ACVR1: variants seen among roughly 807,000 people sequenced by gnomAD.
ACVR1 encodes the protein activin A receptor type 1.
ACVR1 carries 38 observed loss-of-function variants against 57.1 expected under a neutral mutation model. The ratio of observed to expected loss-of-function variants is 0.67; its 90% CI spans 0.51 to 0.87. ACVR1 has a LOEUF of 0.87. Among genes scored for constraint, ACVR1 ranks in the 40% least tolerant of loss-of-function variants. The pLI is 0.00. For synonymous variants in ACVR1, 212 were observed against 228.1 expected, an observed-to-expected ratio of 0.93 and a Z score of 0.63; for missense variants, 463 against 638.2, an observed-to-expected ratio of 0.73 and a Z score of 2.96.
Position 157,774,079 on chromosome 2 carries a change from A to G in ACVR1, c.643+9T>C. On this transcript the variant is annotated intron_variant, in intron 6 of 10. Transcript: ENST00000434821. The stretch of plus-strand genomic sequence containing the variant: ...TATTACCCACAAAGAAAGGAAAAAA[A>G]AGAATTACCGACACACTCCAACAGT... 1 of 1,612,924 alleles carries G rather than the reference A, an allele frequency of 6.2e-7. No individual in the cohort carries two copies. The highest frequency in any genetic ancestry group is 8.5e-7 in the Non-Finnish European group (1 of 1,178,892).
chr2:157,810,938 C>A (rs1303288289), intron 2 of ACVR1, among the ~76,000 whole-genome samples: 1 of 152,172 alleles, frequency 6.6e-6, no homozygotes, highest in East Asian at 1.9e-4. Flanking sequence ...TTCAGGTTCA[C>A]AAGGGAGCTT....
intron 1 of ACVR1, among the ~76,000 whole-genome samples, chr2:157,834,144 T>A (rs543400538): frequency 1.1e-4 from 16 of 152,314 alleles, no homozygotes; most frequent in Admixed American, 8.5e-4. Flanking sequence ...CAGGCTGGAG[T>A]GCAGTGGCGT....
chr2:157,828,891 T>G (rs1009052554), intron 1 of ACVR1, among the ~76,000 whole-genome samples: 13 of 151,960 alleles, frequency 8.6e-5, no homozygotes, highest in African/African-American at 3.1e-4. Flanking sequence ...CTCAGCCTCC[T>G]GAGTAGCTGG....
chr2:157,743,396 A>G (rs1407383880), intron 9 of ACVR1, among the ~76,000 whole-genome samples: 1 of 152,078 alleles, frequency 6.6e-6, no homozygotes, highest in East Asian at 1.9e-4. Context: ...TTGACTCTTC[A>G]ACAAGAATGT....
At chr2:157,835,692 C>T (rs1688758588) in intron 1 of ACVR1, among the ~76,000 whole-genome samples, 1 of 152,148 alleles carries the variant, frequency 6.6e-6, no homozygotes, top group Non-Finnish European at 1.5e-5. Context: ...CTTAGCAATA[C>T]TCACAATGCA....
intron 1 of ACVR1, among the ~76,000 whole-genome samples, chr2:157,838,019 T>TA (rs536373981): frequency 5.8e-4 from 89 of 152,290 alleles, no homozygotes; most frequent in African/African-American, 2.0e-3. Context: ...ATGGAGTTTT[T>TA]ATCTCTCCAT....
In ACVR1 at chr2:157,807,854, T is replaced by TGGC. The variant is rs1553507147; in HGVS notation, c.-7-8355_-7-8354insGCC. Among the ~76,000 whole-genome samples the TGGC allele has an allele frequency of 9.6e-5, 3 of 31,094 alleles. 1 individual carries two copies. Among genetic ancestry groups the TGGC allele is most frequent in the Non-Finnish European group, 2.1e-4 (3 of 14,050 alleles). The allele number at this position is 31,094 out of a possible 152,430, so 20.4% of individuals were successfully genotyped here. A position where few individuals can be genotyped will look rare whatever the true frequency, so the allele number is the denominator to read the frequency against. ...CTAATGTGATTAATCTATAATAATT[T>TGGC]GGGGGGGGGGGTGGGTATAAGATGA... On this transcript the variant is annotated intron_variant, in intron 2 of 10. Transcript: ENST00000434821.
intron 1 of ACVR1, among the ~76,000 whole-genome samples, chr2:157,861,756 C>T (rs905841699): frequency 1.3e-5 from 2 of 152,166 alleles, no homozygotes; most frequent in African/African-American, 4.8e-5. Flanking sequence ...ACGGGCAATG[C>T]ATCATACTTA....
intron 1 of ACVR1, among the ~76,000 whole-genome samples, chr2:157,835,708 G>C (rs1400112688): frequency 6.6e-6 from 1 of 152,194 alleles, no homozygotes; most frequent in Non-Finnish European, 1.5e-5. Flanking sequence ...ATGCACTGCA[G>C]TGTAGCTCTG....
chr2:157,825,806 G>A (rs1290837040), intron 1 of ACVR1, among the ~76,000 whole-genome samples: 2 of 152,190 alleles, frequency 1.3e-5, no homozygotes, highest in African/African-American at 2.4e-5. Context: ...AAGAATCAGA[G>A]CATCTTGAGT....
chr2:157,859,288 C>T (rs769610347), intron 1 of ACVR1, among the ~76,000 whole-genome samples: 1 of 152,166 alleles, frequency 6.6e-6, no homozygotes, highest in Non-Finnish European at 1.5e-5. Context: ...CTCCCACCAG[C>T]GCCATGACAG....
intron 8 of ACVR1, among the ~76,000 whole-genome samples, chr2:157,762,649 T>A (rs943252203): frequency 1.3e-5 from 2 of 152,210 alleles, no homozygotes; most frequent in African/African-American, 4.8e-5. Flanking sequence ...TAATTCCCCA[T>A]CCCTTGAGTG....
chr2:157,802,456 A>C (rs565638463), intron 2 of ACVR1, among the ~76,000 whole-genome samples: 3 of 152,074 alleles, frequency 2.0e-5, no homozygotes, highest in South Asian at 2.1e-4. Flanking sequence ...TAGGCACTCT[A>C]CTCACCTATC....
At chr2:157,843,011 A>G (rs1415019901) in intron 1 of ACVR1, among the ~76,000 whole-genome samples, 2 of 152,214 alleles carry the variant, frequency 1.3e-5, no homozygotes, top group East Asian at 1.9e-4. Context: ...TATTCTTAAG[A>G]ATACAAATTT....
At chr2:157,810,301 C>A (rs1009625588) in intron 2 of ACVR1, among the ~76,000 whole-genome samples, 2 of 152,142 alleles carry the variant, frequency 1.3e-5, no homozygotes, top group Non-Finnish European at 2.9e-5. Flanking sequence ...ATATACAAGA[C>A]TGCCATTTAA....
At chr2:157,841,472 G>C (rs917672049) in intron 1 of ACVR1, among the ~76,000 whole-genome samples, 4 of 152,114 alleles carry the variant, frequency 2.6e-5, no homozygotes, top group African/African-American at 9.7e-5. Context: ...TTTAACGACC[G>C]CATTTACCTA....
At chr2:157,871,850 G>A (rs1261026568) in intron 1 of ACVR1, among the ~76,000 whole-genome samples, 6 of 152,188 alleles carry the variant, frequency 3.9e-5, no homozygotes, top group Admixed American at 1.3e-4. Flanking sequence ...AATTTTGAGA[G>A]TGTGAGTTCA....
intron 1 of ACVR1, among the ~76,000 whole-genome samples, chr2:157,844,125 G>A (rs1282320398): frequency 6.6e-6 from 1 of 152,212 alleles, no homozygotes; most frequent in Admixed American, 6.5e-5. Flanking sequence ...TCTCCTTATG[G>A]AAAGCAAGGC....
intron 1 of ACVR1, among the ~76,000 whole-genome samples, chr2:157,823,473 G>C (rs187210459): frequency 6.6e-5 from 10 of 152,224 alleles, no homozygotes; most frequent in African/African-American, 2.2e-4. Context: ...GGGAACGAGG[G>C]CAGAGCATGA....
Sources: allele counts gnomAD v4.1 joint callset (sites outside exome capture counted in the v4.1 genomes callset), GRCh38; gene constraint gnomAD v4.1.1; transcripts MANE v1.5; gene names NCBI Gene and HGNC (gene_info 2026-07-23, HGNC 2026-07-21).